Variants in MYL2 observed in about 807,000 individuals in gnomAD.
The protein encoded by MYL2 is myosin regulatory light chain 2, ventricular/cardiac muscle isoform.
In MYL2, 19 loss-of-function variants were observed where a neutral mutation model predicts 23.0. The observed-to-expected ratio is 0.83, with a 90% CI of 0.58 to 1.21. MYL2 has a LOEUF of 1.21. MYL2 is among the 50% of genes most tolerant of loss of function. The pLI, the probability that MYL2 is intolerant of heterozygous loss-of-function variation, is 0.00. For missense variants in MYL2, 180 were observed against 215.1 expected (o/e 0.84, Z 1.02); for synonymous variants, 78 against 76.2 (o/e 1.02, Z -0.13).
chr12:110,913,651 T>C (rs2071669080), intron 4 of MYL2, among the ~76,000 whole-genome samples: 1 of 152,244 alleles, frequency 6.6e-6, no homozygotes, highest in Non-Finnish European at 1.5e-5. Flanking sequence ...GAATAGAGCA[T>C]ACCTCCTAGT....
intron 1 of MYL2, 47 bp from the exon 2 acceptor site, chr12:110,919,240 A>G: frequency 6.5e-7 from 1 of 1,540,160 alleles, no homozygotes; most frequent in African/African-American, 1.4e-5. Context: ...CTGGGAGTCA[A>G]AAAACTAGGT....
At chr12:110,916,377 G>A (rs963611025) in intron 2 of MYL2, among the ~76,000 whole-genome samples, 10 of 152,240 alleles carry the variant, frequency 6.6e-5, no homozygotes, top group Admixed American at 4.6e-4. Flanking sequence ...ACACAAATGT[G>A]TATAGCAGCA....
At position 110,919,138 on chromosome 12, in the gene MYL2, A is replaced by T. The variant is rs113167834; in HGVS notation, c.59T>A (p.Met20Lys). ...TTCCTGGATTTGGGTCTGTTCGAACATGGAGAACACGTTGGAGTTGGCGCC... is the reference window on the plus strand; with the variant it reads ...TTCCTGGATTTGGGTCTGTTCGAACTTGGAGAACACGTTGGAGTTGGCGCC... The part of the protein sequence containing the change: ...AGGANSNVFS[M>K]FEQTQIQEFK... Residue 20 changes from methionine (M) to lysine (K), a missense_variant, in exon 2 of 7, where the codon ATG becomes AAG. By Grantham distance (95) the Met-to-Lys change is moderately conservative (BLOSUM62 -1). Transcript: ENST00000228841. 1 of 1,613,988 alleles carries T rather than the reference A, an allele frequency of 6.2e-7. No individual in the cohort carries two copies. The highest frequency in any genetic ancestry group is 1.1e-5 in the South Asian group (1 of 91,046).
rs199474807 is a variant in MYL2 at position 110,915,749 on chromosome 12, G to A, written c.135C>T (p.Asp45=). The A allele has an allele frequency of 1.2e-6, 2 of 1,614,048 alleles. No homozygotes were observed. The highest frequency in any genetic ancestry group is 1.3e-5 in the African/African-American group (1 of 74,932). The part of the protein sequence containing the change: ...IMDQNRDGFI[D]KNDLRDTFAA... Reference sequence around the variant, plus strand: ...CAAAGGTGTCTCTCAGATCGTTCTTGTCAATGAAGCCATCCCTGTTCTGGT... The same window carrying A: ...CAAAGGTGTCTCTCAGATCGTTCTTATCAATGAAGCCATCCCTGTTCTGGT... The change falls in exon 3 of 7, where the codon GAC becomes GAT. Residue 45 remains aspartate, a synonymous_variant. Transcript: ENST00000228841.
At position 110,913,294 on chromosome 12, in the gene MYL2, G is replaced by A. The variant is rs2071666913; in HGVS notation, c.305C>T (p.Ala102Val). Residue 102 changes from alanine to valine, a missense_variant, in exon 5 of 7, where the codon GCA becomes GTA. Coordinates refer to ENST00000228841, the MANE Select transcript of MYL2 (RefSeq NM_000432.4). ...GADPEETILN[A>V]FKVFDPEGKG... ...GCCTTCAGGGTCAAACACTTTGAATGCGTTGAGAATGGTTTCCTCAGGGTC... is the reference window on the plus strand; with the variant it reads ...GCCTTCAGGGTCAAACACTTTGAATACGTTGAGAATGGTTTCCTCAGGGTC... 1 of 1,614,202 alleles carries A rather than the reference G, an allele frequency of 6.2e-7. No individual in the cohort carries two copies. The highest frequency in any genetic ancestry group is 1.1e-5 in the South Asian group (1 of 91,090).
intron 6 of MYL2, 131 bp from the exon 7 acceptor site, chr12:110,911,306 G>A (rs2136768280): frequency 4.4e-6 from 3 of 678,210 alleles, no homozygotes; most frequent in Admixed American, 4.3e-5. Flanking sequence ...CCACTCAGAG[G>A]GTCCTCCGGG....
intron 6 of MYL2, among the ~76,000 whole-genome samples, chr12:110,912,866 G>A (rs1425011821): frequency 6.6e-6 from 1 of 152,194 alleles, no homozygotes; most frequent in Admixed American, 6.5e-5. Context: ...TATTTTAGAT[G>A]AGTGACTTTA....
At chr12:110,911,760 G>T (rs2071654353) in intron 6 of MYL2, among the ~76,000 whole-genome samples, 1 of 152,280 alleles carries the variant, frequency 6.6e-6, no homozygotes, top group South Asian at 2.1e-4. Context: ...CATCTAAAAA[G>T]GTGACATGAA....
chr12:110,912,670 G>A (rs763431480), intron 6 of MYL2, among the ~76,000 whole-genome samples: 13 of 152,198 alleles, frequency 8.5e-5, no homozygotes, highest in Middle Eastern at 3.4e-3. Context: ...AGCGATTCTC[G>A]TGCCATGCGT....
rs139794370 is a variant in MYL2, at chr12:110,919,161, G to T, written c.36C>A (p.Gly12=). ...APKKAKKRAG[G]ANSNVFSMFE... ...ACATGGAGAACACGTTGGAGTTGGC[G>T]CCCCCGGCTCTCTTCTTTGCTTTCT... Residue 12 remains glycine, a synonymous_variant, in exon 2 of 7, where the codon GGC becomes GGA. Transcript: ENST00000228841. The T allele has an allele frequency of 6.2e-7, 1 of 1,613,680 alleles. No homozygotes were observed. Among genetic ancestry groups the T allele is most frequent in the South Asian group, 1.1e-5 (1 of 91,038 alleles).
At chr12:110,920,248 C>T (rs2071712370) in intron 1 of MYL2, among the ~76,000 whole-genome samples, 3 of 152,150 alleles carry the variant, frequency 2.0e-5, no homozygotes. Flanking sequence ...TTTGCAAGTC[C>T]TGGGAGTTAT....
At chr12:110,911,777 A>G (rs2071654446) in intron 6 of MYL2, among the ~76,000 whole-genome samples, 1 of 152,252 alleles carries the variant, frequency 6.6e-6, no homozygotes, top group Non-Finnish European at 1.5e-5. Flanking sequence ...TGAAGTGACC[A>G]CAGGGTCCAG....
At chr12:110,914,133 C>A (rs11065770) in intron 4 of MYL2, 53 bp downstream of exon 4, 3 of 1,350,312 alleles carry the variant, frequency 2.2e-6, no homozygotes, top group Middle Eastern at 1.8e-4. Context: ...CCAGCCCCCC[C>A]GAAGAAACAT....
intron 4 of MYL2, 33 bp from the exon 5 acceptor site, chr12:110,913,357 G>A: frequency 6.2e-7 from 1 of 1,613,234 alleles, no homozygotes; most frequent in Non-Finnish European, 8.5e-7. Flanking sequence ...CATGTACTGG[G>A]GGTGGCTGGG....
intron 4 of MYL2, 96 bp downstream of exon 4, chr12:110,914,090 T>C: frequency 1.0e-6 from 1 of 978,500 alleles, no homozygotes; most frequent in South Asian, 1.3e-5. Context: ...TTTCCAATGG[T>C]GCTTTATCTC....
intron 3 of MYL2, 66 bp from the exon 4 acceptor site, chr12:110,914,356 T>G: frequency 8.9e-7 from 1 of 1,128,190 alleles, no homozygotes; most frequent in Non-Finnish European, 1.3e-6. Flanking sequence ...GACACTGCCA[T>G]TGGCTCCTGG....
At chr12:110,916,909 T>C (rs1278286993) in intron 2 of MYL2, among the ~76,000 whole-genome samples, 2 of 152,232 alleles carry the variant, frequency 1.3e-5, no homozygotes, top group East Asian at 1.9e-4. Context: ...AGTGCAGTGG[T>C]GCAATCTCGG....
Position 110,911,149 on chromosome 12 carries a change from G to A in MYL2, c.429C>T (p.Pro143=), listed in dbSNP as rs374328118. The A allele has an allele frequency of 6.2e-7, 1 of 1,613,848 alleles. No individual in the cohort carries two copies. Among genetic ancestry groups the A allele is most frequent in the Non-Finnish European group, 8.5e-7 (1 of 1,179,988 alleles). The change falls in exon 7 of 7, where the codon CCC becomes CCT. Residue 143 remains proline (P), a synonymous_variant. Transcript: ENST00000228841. ...EEVDQMFAAF[P]PDVTGNLDYK... The stretch of plus-strand genomic sequence containing the variant: ...AGTCCAAGTTGCCAGTCACGTCAGG[G>A]GGGAAGGCGGCGAACATCTGGTCAA...
chr12:110,920,702 C>T, upstream of MYL2: 11 of 913,922 alleles, frequency 1.2e-5, no homozygotes, highest in South Asian at 1.5e-4. Context: ...CCATGCCGTT[C>T]TTCTGAAGTA....
Sources: gnomAD v4.1 joint callset for allele counts (sites outside exome capture counted in the v4.1 genomes callset) on GRCh38, gnomAD v4.1.1 for gene constraint, MANE v1.5 for transcripts, NCBI Gene and HGNC (gene_info 2026-07-23, HGNC 2026-07-21) for gene names.